TTC27: variants seen among roughly 807,000 people sequenced by gnomAD.
TTC27 encodes tetratricopeptide repeat domain 27.
In TTC27, 79 loss-of-function variants were observed where a neutral mutation model predicts 115.9. The observed-to-expected ratio is 0.68, with a 90% CI of 0.57 to 0.82. TTC27 has a LOEUF of 0.82. Ranked by LOEUF, TTC27 falls within the 40% of genes least tolerant of loss-of-function variation. The pLI, the probability that TTC27 is intolerant of heterozygous loss-of-function variation, is 0.00. For missense variants in TTC27, 1,054 were observed against 993.1 expected, an observed-to-expected ratio of 1.06 and a Z score of -0.82; for synonymous variants, 401 against 356.0, an observed-to-expected ratio of 1.13 and a Z score of -1.42.
intron 12 of TTC27, among the ~76,000 whole-genome samples, chr2:32,754,434 C>T (rs189342569): frequency 0.011 from 1,603 of 149,384 alleles, 31 homozygotes; most frequent in African/African-American, 0.037. Context: ...GGACACAGCA[C>T]ATGTTTCAGA....
intron 9 of TTC27, among the ~76,000 whole-genome samples, chr2:32,699,804 T>C (rs1667120161): frequency 6.6e-6 from 1 of 152,256 alleles, no homozygotes; most frequent in African/African-American, 2.4e-5. Flanking sequence ...TTTTCAAATG[T>C]CTGTCAGATT....
chr2:32,711,424 A>G (rs998237658), intron 10 of TTC27, among the ~76,000 whole-genome samples: 2 of 152,214 alleles, frequency 1.3e-5, no homozygotes, highest in Non-Finnish European at 1.5e-5. Flanking sequence ...GTCAATGTTG[A>G]GGCATTTAGC....
chr2:32,678,448 A>G (rs1666297222), intron 8 of TTC27, among the ~76,000 whole-genome samples: 1 of 151,266 alleles, frequency 6.6e-6, no homozygotes, highest in African/African-American at 2.4e-5. Context: ...GTTTTTTTGA[A>G]ACAGAGTCTC....
At chr2:32,707,853 G>C (rs1415111588) in intron 10 of TTC27, among the ~76,000 whole-genome samples, 1 of 152,044 alleles carries the variant, frequency 6.6e-6, no homozygotes, top group East Asian at 1.9e-4. Context: ...ACAAAGGGTA[G>C]CAGAGCTCCT....
At chr2:32,764,477 T>A (rs1669556443) in intron 13 of TTC27, among the ~76,000 whole-genome samples, 1 of 152,212 alleles carries the variant, frequency 6.6e-6, no homozygotes, top group Non-Finnish European at 1.5e-5. Flanking sequence ...TATCTGAGCC[T>A]TCAGTGAGTT....
chr2:32,705,696 T>C (rs769569557), intron 10 of TTC27, among the ~76,000 whole-genome samples: 2 of 152,110 alleles, frequency 1.3e-5, no homozygotes, highest in Admixed American at 6.5e-5. Context: ...TAGTTAGGGC[T>C]ACAGGTGCAT....
intron 10 of TTC27, among the ~76,000 whole-genome samples, chr2:32,704,225 TG>T (rs1227527311): frequency 1.3e-5 from 2 of 152,154 alleles, no homozygotes; most frequent in Non-Finnish European, 2.9e-5. Context: ...CTTACTCTGT[TG>T]CCCAGGTTGG....
chr2:32,775,539 G>A lies in TTC27; in HGVS notation c.1681-2343G>A, dbSNP rs180744535. On this transcript the variant is annotated intron_variant, in intron 13 of 19. Transcript: ENST00000317907. ...TAACAACACATGGGAAATAGTATCTGTTCTTTGCTGATGCAGAAAACAAGC... is the reference window on the plus strand; with the variant it reads ...TAACAACACATGGGAAATAGTATCTATTCTTTGCTGATGCAGAAAACAAGC... Among the ~76,000 whole-genome samples, 2 of 152,246 alleles carry A rather than the reference G, an allele frequency of 1.3e-5. 1 individual carries two copies. Among genetic ancestry groups the A allele is most frequent in the Admixed American group, 1.3e-4 (2 of 15,290 alleles).
intron 3 of TTC27, among the ~76,000 whole-genome samples, chr2:32,638,186 T>G: frequency 6.6e-6 from 1 of 152,236 alleles, no homozygotes; most frequent in East Asian, 1.9e-4. Context: ...TTGTAAAAAC[T>G]TGATAATATT....
intron 9 of TTC27, among the ~76,000 whole-genome samples, chr2:32,680,494 G>C (rs1364095382): frequency 6.6e-6 from 1 of 152,086 alleles, no homozygotes; most frequent in Non-Finnish European, 1.5e-5. Flanking sequence ...CTAAGAATGG[G>C]ATGGGCGCAG....
chr2:32,707,965 A>AC (rs113824953), intron 10 of TTC27, among the ~76,000 whole-genome samples: 23 of 149,300 alleles, frequency 1.5e-4, no homozygotes, highest in Admixed American at 1.1e-3. Context: ...CTTAACAACA[A>AC]AAAAAAAAAG....
At chr2:32,634,066 G>T in intron 3 of TTC27, 61 bp downstream of exon 3, 1 of 1,538,046 alleles carries the variant, frequency 6.5e-7, no homozygotes, top group Admixed American at 1.9e-5. Context: ...TTATAAGCAG[G>T]TCTTTATAAA....
chr2:32,688,674 G>A (rs1390006402), intron 9 of TTC27, among the ~76,000 whole-genome samples: 4 of 152,058 alleles, frequency 2.6e-5, no homozygotes, highest in Non-Finnish European at 5.9e-5. Flanking sequence ...AATAACATTA[G>A]TCATCAGAGA....
intron 10 of TTC27, among the ~76,000 whole-genome samples, chr2:32,720,543 A>G (rs553426777): frequency 6.6e-6 from 1 of 152,302 alleles, no homozygotes; most frequent in Non-Finnish European, 1.5e-5. Context: ...CAGAATAGTC[A>G]CTGTGATTAC....
At chr2:32,761,675 C>T (rs768822469) in intron 13 of TTC27, among the ~76,000 whole-genome samples, 6 of 152,058 alleles carry the variant, frequency 3.9e-5, no homozygotes, top group Non-Finnish European at 7.4e-5. Flanking sequence ...CAAGTCTGCT[C>T]GAAGGTCACT....
intron 15 of TTC27, among the ~76,000 whole-genome samples, chr2:32,784,980 C>T (rs1163344921): frequency 1.3e-5 from 2 of 152,084 alleles, no homozygotes; most frequent in Non-Finnish European, 2.9e-5. Flanking sequence ...TTTGAGTTCC[C>T]TTGTATTTTT....
At chr2:32,773,484 A>T (rs1669896219) in intron 13 of TTC27, among the ~76,000 whole-genome samples, 1 of 152,206 alleles carries the variant, frequency 6.6e-6, no homozygotes, top group African/African-American at 2.4e-5. Context: ...TTTATTGGTG[A>T]CAAGGATGGT....
At chr2:32,714,631 G>A (rs1478975862) in intron 10 of TTC27, among the ~76,000 whole-genome samples, 1 of 152,104 alleles carries the variant, frequency 6.6e-6, no homozygotes, top group Non-Finnish European at 1.5e-5. Flanking sequence ...TGAGTCTGAT[G>A]GTAGTTCTGT....
chr2:32,802,558 A>G (rs1041288777), intron 16 of TTC27, among the ~76,000 whole-genome samples: 9 of 152,182 alleles, frequency 5.9e-5, no homozygotes, highest in Non-Finnish European at 1.2e-4. Flanking sequence ...GTCCACTTAG[A>G]GTGCTGTTGT....
Sources: allele counts gnomAD v4.1 joint callset (sites outside exome capture counted in the v4.1 genomes callset), GRCh38; gene constraint gnomAD v4.1.1; transcripts MANE v1.5; gene names NCBI Gene and HGNC (gene_info 2026-07-23, HGNC 2026-07-21).